DRC11: variants seen among roughly 807,000 people sequenced by gnomAD.
DRC11 encodes the protein dynein regulatory complex subunit 11, also known as IQ and AAA domain-containing protein 1.
the DRC11 span, among the ~76,000 whole-genome samples, chr2:236,382,437 A>G: frequency 8.5e-5 from 13 of 152,170 alleles, no homozygotes; most frequent in East Asian, 2.3e-3. Context: ...TAGTTCCATT[A>G]CCTTTCCATA....
the DRC11 span, among the ~76,000 whole-genome samples, chr2:236,327,862 A>G: frequency 6.6e-6 from 1 of 151,998 alleles, no homozygotes; most frequent in East Asian, 1.9e-4. Context: ...TTGTATTTTT[A>G]GTAGAGACGG....
the DRC11 span, among the ~76,000 whole-genome samples, chr2:236,433,226 G>A: frequency 1.3e-5 from 2 of 152,036 alleles, no homozygotes; most frequent in Non-Finnish European, 2.9e-5. Flanking sequence ...GGTTATTCTT[G>A]GTTATTTGCT....
At chr2:236,314,229 A>G in the DRC11 span, among the ~76,000 whole-genome samples, 2 of 152,224 alleles carry the variant, frequency 1.3e-5, no homozygotes, top group East Asian at 1.9e-4. This position sits in a 1 kb window ranked among gnomAD's most constrained non-coding sequence, Gnocchi z 4.5. Context: ...AATAAAATCA[A>G]CATGGTAACA....
the DRC11 span, among the ~76,000 whole-genome samples, chr2:236,502,295 A>T: frequency 6.6e-6 from 1 of 152,002 alleles, no homozygotes; most frequent in East Asian, 1.9e-4. Flanking sequence ...TAGTACAGCA[A>T]GGGCCAGGCG....
the DRC11 span, among the ~76,000 whole-genome samples, chr2:236,488,532 A>G: frequency 6.6e-6 from 1 of 152,234 alleles, no homozygotes; most frequent in Non-Finnish European, 1.5e-5. Context: ...TGCTATCAAT[A>G]TTTCATTAAC....
At chr2:236,419,725 G>T in the DRC11 span, among the ~76,000 whole-genome samples, 1 of 152,118 alleles carries the variant, frequency 6.6e-6, no homozygotes, top group African/African-American at 2.4e-5. This position sits in a 1 kb window ranked among gnomAD's most constrained non-coding sequence, Gnocchi z 4.8. Context: ...TCATGAGTTG[G>T]TTTCTTTCAC....
At chr2:236,324,734 G>C in the DRC11 span, 1 of 1,605,544 alleles carries the variant, frequency 6.2e-7, no homozygotes, top group South Asian at 1.1e-5. The surrounding 1 kb of genome is among the most constrained non-coding windows in gnomAD (Gnocchi z 5.7). Context: ...GCTGCCTCCT[G>C]TTATCGCCAA....
chr2:236,420,474 C>T, the DRC11 span, among the ~76,000 whole-genome samples: 1 of 152,074 alleles, frequency 6.6e-6, no homozygotes, highest in Non-Finnish European at 1.5e-5. The surrounding 1 kb of genome is among the most constrained non-coding windows in gnomAD (Gnocchi z 4.8). Context: ...ACAGCAGTTG[C>T]CTTTGAAGAT....
chr2:236,338,452 T>G, the DRC11 span: 2 of 1,334,104 alleles, frequency 1.5e-6, no homozygotes, highest in Middle Eastern at 1.9e-4. Flanking sequence ...AAAATTTACT[T>G]AGGATGCATT....
At chr2:236,381,818 A>G in the DRC11 span, among the ~76,000 whole-genome samples, 1 of 151,846 alleles carries the variant, frequency 6.6e-6, no homozygotes, top group Admixed American at 6.6e-5. This position sits in a 1 kb window ranked among gnomAD's most constrained non-coding sequence, Gnocchi z 5.8. Flanking sequence ...CTGAGTTTTG[A>G]GAGTTCTTTA....
the DRC11 span, chr2:236,486,942 A>G: frequency 2.6e-4 from 383 of 1,455,882 alleles, no homozygotes; most frequent in Middle Eastern, 7.0e-4. The surrounding 1 kb of genome is among the most constrained non-coding windows in gnomAD (Gnocchi z 5.7). Context: ...ACATACAAAT[A>G]TAAAGAAAAC....
chr2:236,347,609 A>C, the DRC11 span, among the ~76,000 whole-genome samples: 1 of 151,202 alleles, frequency 6.6e-6, no homozygotes, highest in East Asian at 1.9e-4. Flanking sequence ...CTATTATTCT[A>C]AGTGAGGTAA....
At chr2:236,473,523 A>G in the DRC11 span, among the ~76,000 whole-genome samples, 3 of 152,262 alleles carry the variant, frequency 2.0e-5, no homozygotes, top group Non-Finnish European at 4.4e-5. This position sits in a 1 kb window ranked among gnomAD's most constrained non-coding sequence, Gnocchi z 4.8. Context: ...CTCTTTAATA[A>G]GTGTTTCCCC....
chr2:236,461,784 A>G, the DRC11 span, among the ~76,000 whole-genome samples: 1 of 152,180 alleles, frequency 6.6e-6, no homozygotes, highest in Non-Finnish European at 1.5e-5. This position sits in a 1 kb window ranked among gnomAD's most constrained non-coding sequence, Gnocchi z 4.0. Context: ...CCAAGCTTAC[A>G]CAGCTATTTT....
At chr2:236,369,104 C>A in the DRC11 span, 3 of 152,214 alleles carry the variant, frequency 2.0e-5, no homozygotes, top group Non-Finnish European at 4.4e-5. This position sits in a 1 kb window ranked among gnomAD's most constrained non-coding sequence, Gnocchi z 4.5. Context: ...ATGAACGAAT[C>A]ACCATGTCTG....
chr2:236,487,631 A>C, the DRC11 span, among the ~76,000 whole-genome samples: 56 of 152,170 alleles, frequency 3.7e-4, no homozygotes, highest in African/African-American at 1.3e-3. Flanking sequence ...TGTTTCTGGA[A>C]TCTATTAAGG....
chr2:236,389,468 CTCCCTGACCCCTTGCGCT>C, the DRC11 span, among the ~76,000 whole-genome samples: 4 of 152,240 alleles, frequency 2.6e-5, no homozygotes, highest in African/African-American at 9.6e-5. Flanking sequence ...AGAAAGGGAA[CTCCCTGACCCCTTGCGCT>C]TCCCGAGTGA....
the DRC11 span, among the ~76,000 whole-genome samples, chr2:236,409,973 T>C: frequency 6.6e-6 from 1 of 152,226 alleles, no homozygotes; most frequent in Non-Finnish European, 1.5e-5. Context: ...TTGATCATGC[T>C]GGATAAGCTT....
chr2:236,389,586 C>T, the DRC11 span, among the ~76,000 whole-genome samples: 3 of 152,286 alleles, frequency 2.0e-5, no homozygotes, highest in South Asian at 2.1e-4. Flanking sequence ...GAGATGAACC[C>T]GGTACCTCAG....
Sources: allele counts gnomAD v4.1 joint callset (sites outside exome capture counted in the v4.1 genomes callset), GRCh38; gene constraint gnomAD v4.1.1; non-coding constraint Gnocchi (gnomAD v3.1); transcripts MANE v1.5; gene names NCBI Gene and HGNC (gene_info 2026-07-23, HGNC 2026-07-21).